The following CORO7 variants were observed in gnomAD, a reference collection of about 807,000 sequenced individuals.
CORO7 encodes the protein coronin 7, also known as coronin-7.
In CORO7, 107 loss-of-function variants were observed where a neutral mutation model predicts 126.6. The observed-to-expected ratio is 0.85, with a 90% CI of 0.72 to 0.99. CORO7 has a LOEUF of 0.99. Among genes scored for constraint, CORO7 ranks in the 50% least tolerant of loss-of-function variants. The probability of loss-of-function intolerance (pLI) is 0.00; values close to 1 mark genes in which losing one functional copy is unlikely to be tolerated. For synonymous variants in CORO7, 603 were observed against 536.8 expected (o/e 1.12, Z -1.70); for missense variants, 1,314 against 1,255.8 (o/e 1.05, Z -0.70).
intron 1 of CORO7, among the ~76,000 whole-genome samples, chr16:4,416,235 G>A (rs143066883): frequency 1.3e-5 from 2 of 152,148 alleles, no homozygotes; most frequent in Admixed American, 6.5e-5. Context: ...AGACCGCCAG[G>A]GTCACCGAGC....
At chr16:4,382,073 C>T (rs768518491) in intron 9 of CORO7, 1 of 1,586,176 alleles carries the variant, frequency 6.3e-7, no homozygotes, top group Non-Finnish European at 8.6e-7. Flanking sequence ...GCCCCACCGA[C>T]TGTAGGGCCT....
chr16:4,411,558 T>A (rs1034855133), intron 3 of CORO7, among the ~76,000 whole-genome samples: 24 of 152,252 alleles, frequency 1.6e-4, no homozygotes, highest in South Asian at 8.3e-4. Flanking sequence ...AAAAATTTTT[T>A]AAAAAAGTTT....
intron 19 of CORO7, 89 bp downstream of exon 19, chr16:4,360,832 TCCTGCCTCTCCTCACTGCTGGC>T (rs2054150387): frequency 1.4e-6 from 2 of 1,465,852 alleles, no homozygotes; most frequent in South Asian, 1.3e-5. Flanking sequence ...TCGCTGCTGG[TCCTGCCTCTCCTCACTGCTGGC>T]CCCGCCACTC....
intron 23 of CORO7, 99 bp downstream of exon 23, chr16:4,359,197 G>A (rs1596269160): frequency 1.5e-6 from 2 of 1,344,850 alleles, no homozygotes; most frequent in Admixed American, 2.7e-5. Context: ...CCAGGACTCT[G>A]ACCCCCGACC....
chr16:4,406,230 C>A (rs1051969395), intron 5 of CORO7, among the ~76,000 whole-genome samples: 3 of 152,166 alleles, frequency 2.0e-5, no homozygotes, highest in Non-Finnish European at 4.4e-5. Context: ...GAACTCCTAA[C>A]CTCAAGTGAT....
rs554925559 is a variant in CORO7 at position 4,387,335 on chromosome 16, G to A, written c.785+651C>T. The stretch of plus-strand genomic sequence containing the variant: ...GCTGACTGTGCCTGGCCAGGACCCC[G>A]CCAGGCACTGCCAAAAGCCCTCTCC... On this transcript the variant is annotated intron_variant, in intron 9 of 27. Transcript: ENST00000251166. 1.2e-4 allele frequency among the ~76,000 whole-genome samples: 18 copies of A among 152,170 alleles called. No individual in the cohort carries two copies. In the South Asian group the frequency reaches 3.5e-3, roughly 30 times the overall value.
intron 6 of CORO7, among the ~76,000 whole-genome samples, chr16:4,397,978 G>A (rs1234944442): frequency 2.0e-5 from 3 of 151,928 alleles, no homozygotes; most frequent in Non-Finnish European, 2.9e-5. Flanking sequence ...GCGCAGCAGT[G>A]CAATCACAGC....
At chr16:4,395,496 T>C (rs2055551469) in intron 6 of CORO7, among the ~76,000 whole-genome samples, 157 bp from the exon 7 acceptor site, 3 of 152,118 alleles carry the variant, frequency 2.0e-5, no homozygotes, top group Admixed American at 2.0e-4. Context: ...CTCAGCCCTG[T>C]TCCTCCTCCT....
intron 5 of CORO7, 110 bp from the exon 6 acceptor site, chr16:4,405,677 G>A: frequency 7.6e-7 from 1 of 1,316,044 alleles, no homozygotes; most frequent in South Asian, 1.4e-5. Flanking sequence ...CAGCTACGAG[G>A]GTCCTTTTCA....
chr16:4,382,478 G>A (rs777775312), intron 9 of CORO7: 2 of 1,604,296 alleles, frequency 1.2e-6, no homozygotes, highest in South Asian at 1.1e-5. Context: ...TACTCCGTCT[G>A]TGTCATGCCT....
intron 9 of CORO7, among the ~76,000 whole-genome samples, chr16:4,372,873 C>T (rs1055151090): frequency 2.0e-5 from 3 of 152,154 alleles, no homozygotes; most frequent in African/African-American, 4.8e-5. Context: ...TGTCCCCATG[C>T]CTGCCTTTTG....
intron 7 of CORO7, among the ~76,000 whole-genome samples, chr16:4,392,238 T>A (rs771566722): frequency 2.0e-5 from 3 of 152,072 alleles, no homozygotes; most frequent in Non-Finnish European, 4.4e-5. Context: ...CAGCCCCAGC[T>A]GGGCCGGTTG....
intron 7 of CORO7, among the ~76,000 whole-genome samples, chr16:4,391,683 T>G (rs1355952411): frequency 6.6e-6 from 1 of 152,230 alleles, no homozygotes; most frequent in East Asian, 1.9e-4. Context: ...GTGAGCCGTG[T>G]TGGCGCCACT....
chr16:4,393,211 T>G (rs761122101), intron 7 of CORO7, among the ~76,000 whole-genome samples: 1 of 151,592 alleles, frequency 6.6e-6, no homozygotes, highest in African/African-American at 2.4e-5. Flanking sequence ...GAGAGGAGAG[T>G]GCAACCTGAG....
At chr16:4,355,522 G>A in intron 26 of CORO7, 150 bp from the exon 27 acceptor site, 1 of 798,110 alleles carries the variant, frequency 1.3e-6, no homozygotes, top group Non-Finnish European at 2.0e-6. Flanking sequence ...TGGATGGAGT[G>A]CAGTGGCGCG....
In CORO7 at chr16:4,405,568, C is replaced by G; in HGVS notation, c.488-1G>C. 1 of 1,612,496 alleles carries G rather than the reference C, an allele frequency of 6.2e-7. No homozygotes were observed. Among genetic ancestry groups the G allele is most frequent in the South Asian group, 1.1e-5 (1 of 91,050 alleles). ...ACCAGGTCCCCATGGGCTGCCAGCTCTGCAGAGAAGCAGTCACAGTCAGGT... is the reference window on the plus strand; with the variant it reads ...ACCAGGTCCCCATGGGCTGCCAGCTGTGCAGAGAAGCAGTCACAGTCAGGT... On this transcript the variant is annotated splice_acceptor_variant, in intron 5 of 27. Transcript: ENST00000251166. LOFTEE classifies it high-confidence loss of function.
At chr16:4,390,334 A>G (rs2055344167) in intron 7 of CORO7, among the ~76,000 whole-genome samples, 1 of 152,014 alleles carries the variant, frequency 6.6e-6, no homozygotes, top group South Asian at 2.1e-4. Flanking sequence ...TGAAGGACCT[A>G]CTTTTGAAGA....
chr16:4,355,066 G>T lies in CORO7; in HGVS notation c.*92C>A. The T allele has an allele frequency of 7.3e-7, 1 of 1,374,678 alleles. No homozygotes were observed. The highest frequency in any genetic ancestry group is 9.6e-7 in the Non-Finnish European group (1 of 1,037,148). 85.2% of individuals were successfully genotyped at this position (1,374,678 alleles called of 1,614,324 possible). A position where few individuals can be genotyped will look rare whatever the true frequency, so the allele number is the denominator to read the frequency against. ...GAGTGCAGGGGTGACATGTGCCGGG[G>T]CCAGAGAGGTATCTTCCAGCTTGAG... On this transcript the variant is annotated 3_prime_UTR_variant, in exon 28 of 28. Coordinates refer to ENST00000251166, the MANE Select transcript of CORO7 (RefSeq NM_024535.5).
At chr16:4,381,605 G>A (rs764197715) in intron 9 of CORO7, 3 of 1,598,560 alleles carry the variant, frequency 1.9e-6, no homozygotes, top group South Asian at 1.1e-5. Flanking sequence ...GGCCTGACGC[G>A]CCTGCGGCTG....
Sources: gnomAD v4.1 joint callset for allele counts (sites outside exome capture counted in the v4.1 genomes callset) on GRCh38, gnomAD v4.1.1 for gene constraint, MANE v1.5 for transcripts, NCBI Gene and HGNC (gene_info 2026-07-23, HGNC 2026-07-21) for gene names.